Variants in MFGE8 observed in about 807,000 individuals in gnomAD.
The protein encoded by MFGE8 is milk fat globule EGF and factor V/VIII domain containing, also known as lactadherin.
In MFGE8, 34 loss-of-function variants were observed where a neutral mutation model predicts 42.6. That is an observed-to-expected ratio of 0.80 (90% CI 0.61 to 1.06). MFGE8 has a LOEUF of 1.06. Ranked by LOEUF, MFGE8 falls within the 50% of genes least tolerant of loss-of-function variation. MFGE8 has a pLI of 0.00. For missense variants in MFGE8, 510 were observed against 516.9 expected (o/e 0.99, Z 0.13); for synonymous variants, 230 against 214.8 (o/e 1.07, Z -0.62).
rs1436655372 is a variant in MFGE8, at chr15:88,901,738, G to A, written c.686-3C>T. On this transcript the variant is annotated splice_region_variant and splice_polypyrimidine_tract_variant and intron_variant, in intron 5 of 7. Transcript: ENST00000268150. ...CAGGCCCAGGGGATTGGCGCATCCT[G>A]CCAGCAAGGTGGGCTGTCATCTGGA... 6.2e-7 allele frequency: 1 copy of A among 1,613,796 alleles called. No individual in the cohort carries two copies. The highest frequency in any genetic ancestry group is 8.5e-7 in the Non-Finnish European group (1 of 1,179,954).
intron 1 of MFGE8, among the ~76,000 whole-genome samples, chr15:88,911,452 G>A (rs2141726893): frequency 6.6e-6 from 1 of 152,330 alleles, no homozygotes; most frequent in East Asian, 1.9e-4. Context: ...GCCGGGCATG[G>A]TGGCTCACAC....
chr15:88,900,469 G>A (rs1351996282), intron 6 of MFGE8, among the ~76,000 whole-genome samples: 3 of 152,128 alleles, frequency 2.0e-5, no homozygotes, highest in African/African-American at 4.8e-5. Context: ...CTGCGGCGCC[G>A]CCCACAGTCT....
chr15:88,913,282 G>T lies in MFGE8; in HGVS notation c.38C>A (p.Ala13Glu). 1 of 1,483,756 alleles carries T rather than the reference G, an allele frequency of 6.7e-7. No individual in the cohort carries two copies. The highest frequency in any genetic ancestry group is 8.9e-7 in the Non-Finnish European group (1 of 1,126,058). 91.9% of individuals were successfully genotyped at this position (1,483,756 alleles called of 1,614,324 possible). The stretch of plus-strand genomic sequence containing the variant: ...GAGGAGGCTGGGGGCGCAGAGCAGC[G>T]CGCCGCACAGCGCGGCCAGCAGGCG... Reference protein sequence around the residue: ...RPRLLAALCGALLCAPSLLVA... With the variant: ...RPRLLAALCGELLCAPSLLVA... The change falls in exon 1 of 8, where the codon GCG (alanine) becomes GAG (glutamate). Residue 13 changes from alanine to glutamate, a missense_variant. Transcript: ENST00000268150.
Position 88,907,346 on chromosome 15 carries a change from C to T in MFGE8, c.236G>A (p.Gly79Glu), listed in dbSNP as rs369318624. 3.1e-6 allele frequency: 5 copies of T among 1,614,048 alleles called. No homozygotes were observed. The highest frequency in any genetic ancestry group is 3.4e-6 in the Non-Finnish European group (4 of 1,180,032). Reference sequence around the variant, plus strand: ...GGCGATCTGTGAGTTGGCAATGTTCCCATTCTCCAGGCCCAGTGGCTCGAC... The same window carrying T: ...GGCGATCTGTGAGTTGGCAATGTTCTCATTCTCCAGGCCCAGTGGCTCGAC... ...KCVEPLGLEN[G>E]NIANSQIAAS... Residue 79 changes from glycine to glutamate, a missense_variant, in exon 3 of 8, where the codon GGG (glycine) becomes GAG (glutamate). By Grantham distance (98) the Gly-to-Glu change is moderately conservative. Transcript: ENST00000268150.
intron 2 of MFGE8, among the ~76,000 whole-genome samples, chr15:88,909,474 G>A (rs1222086942): frequency 6.6e-6 from 1 of 152,210 alleles, no homozygotes; most frequent in Non-Finnish European, 1.5e-5. Flanking sequence ...CTGGCTCATG[G>A]TGACTCAAGA....
intron 6 of MFGE8, among the ~76,000 whole-genome samples, chr15:88,901,017 A>ATT: frequency 7.6e-6 from 1 of 132,344 alleles, no homozygotes; most frequent in Non-Finnish European, 1.7e-5. Flanking sequence ...ACACACACAC[A>ATT]CATTCTCACA....
rs775548037 is a variant in MFGE8 at position 88,906,685 on chromosome 15, C to T, written c.481G>A (p.Ala161Thr). Residue 161 changes from alanine to threonine, a missense_variant, in exon 4 of 8, where the codon GCC (alanine) becomes ACC (threonine). Coordinates refer to ENST00000268150, the MANE Select transcript of MFGE8 (RefSeq NM_005928.4). The surrounding 1 kb of genome is among the most constrained non-coding windows in gnomAD (Gnocchi z 4.2). ...SHEYLKAFKV[A>T]YSLNGHEFDF... ...AATTCGTGTCCATTAAGGCTGTAGG[C>T]CACCTTGAAGGCCTTCAGGTACTCA... 7.4e-6 allele frequency: 12 copies of T among 1,614,008 alleles called. No homozygotes were observed. The highest frequency in any genetic ancestry group is 8.5e-6 in the Non-Finnish European group (10 of 1,179,960).
chr15:88,909,439 G>T (rs759480363), intron 2 of MFGE8, among the ~76,000 whole-genome samples: 17 of 152,196 alleles, frequency 1.1e-4, no homozygotes, highest in Non-Finnish European at 2.2e-4. Flanking sequence ...AAAAATCCTT[G>T]CAACTTAACC....
intron 6 of MFGE8, chr15:88,900,871 C>T (rs1464145668): frequency 2.4e-6 from 1 of 410,922 alleles, no homozygotes; most frequent in Non-Finnish European, 3.2e-6. Context: ...GTCATGTCTC[C>T]CTCTTCCGCC....
At chr15:88,904,958 A>G (rs1021049259) in intron 5 of MFGE8, 1 of 154,888 alleles carries the variant, frequency 6.5e-6, no homozygotes, top group African/African-American at 2.4e-5. Context: ...AAGAGAGAGA[A>G]ATACCCAGAC....
Position 88,899,244 on chromosome 15 carries a change from AGAGG to A in MFGE8, c.*147_*150del. On this transcript the variant is annotated 3_prime_UTR_variant, in exon 8 of 8. Transcript: ENST00000268150. The surrounding 1 kb of genome is among the most constrained non-coding windows in gnomAD (Gnocchi z 6.8). ...GCCCGTGAGAGGTGGAGGGTGGGAA[AGAGG>A]GAGGGAGGGGTGACTGTGTGGTGGT... The A allele has an allele frequency of 1.9e-6, 2 of 1,049,062 alleles. No individual in the cohort carries two copies. Among genetic ancestry groups the A allele is most frequent in the Non-Finnish European group, 2.8e-6 (2 of 716,624 alleles). 65.0% of individuals were successfully genotyped at this position (1,049,062 alleles called of 1,614,324 possible).
intron 1 of MFGE8, chr15:88,912,132 A>T: frequency 7.8e-7 from 1 of 1,289,812 alleles, no homozygotes; most frequent in Non-Finnish European, 1.0e-6. Context: ...ACCTGTGTGT[A>T]AGATAGGTAT....
intron 1 of MFGE8, chr15:88,912,980 C>T (rs1899036926): frequency 2.0e-6 from 2 of 985,352 alleles, no homozygotes; most frequent in African/African-American, 1.7e-5. Context: ...ATTCCTTTGT[C>T]ATTATCTGTA....
At chr15:88,912,119 G>A (rs544263155) in intron 1 of MFGE8, 346 of 1,289,678 alleles carry the variant, frequency 2.7e-4, no homozygotes, top group African/African-American at 2.2e-3. Flanking sequence ...ACCCAGCCAC[G>A]TTACCTGTGT....
chr15:88,904,966 G>A (rs1347452701), intron 5 of MFGE8: 2 of 155,992 alleles, frequency 1.3e-5, no homozygotes, highest in Admixed American at 6.3e-5. Context: ...GAAATACCCA[G>A]ACCTCAGGAA....
chr15:88,905,774 A>G lies in MFGE8; in HGVS notation c.668T>C (p.Leu223Pro), dbSNP rs765562826. 7 of 1,614,072 alleles carry G rather than the reference A, an allele frequency of 4.3e-6. No individual in the cohort carries two copies. The highest frequency in any genetic ancestry group is 5.9e-6 in the Non-Finnish European group (7 of 1,180,046). ...HTACTLRFEL[L>P]GCELNGCANP... is the part of the protein sequence containing the mutation. ...GCACTCACCGTTCAGCTCACAGCCC[A>G]GTAGCTCAAAGCGCAGAGTGCAGGC... Residue 223 changes from leucine (L) to proline (P), a missense_variant, in exon 5 of 8, where the codon CTG (leucine) becomes CCG (proline). By Grantham distance (98) the Leu-to-Pro change is moderately conservative. Transcript: ENST00000268150. This position sits in a 1 kb window ranked among gnomAD's most constrained non-coding sequence, Gnocchi z 6.6.
chr15:88,907,492 G>T, intron 2 of MFGE8, 116 bp from the exon 3 acceptor site: 1 of 924,866 alleles, frequency 1.1e-6, no homozygotes, highest in Non-Finnish European at 1.8e-6. Context: ...CCAGGGCCAG[G>T]GAGAACCTCA....
intron 2 of MFGE8, among the ~76,000 whole-genome samples, chr15:88,909,131 T>C (rs564531894): frequency 1.3e-5 from 2 of 152,312 alleles, no homozygotes; most frequent in South Asian, 4.1e-4. Flanking sequence ...CAGCTGGGCC[T>C]GGAGGGAGGA....
In MFGE8 at chr15:88,905,494, A is replaced by G. The variant is rs1349226590; in HGVS notation, c.685+263T>C. ...AAGCTACAGGAGAGGAGCCAACCAGAAGAAGGGAAAATACTTTGAAAACTG... is the reference window on the plus strand; with the variant it reads ...AAGCTACAGGAGAGGAGCCAACCAGGAGAAGGGAAAATACTTTGAAAACTG... On this transcript the variant is annotated intron_variant, in intron 5 of 7. Transcript: ENST00000268150. The surrounding 1 kb of genome is among the most constrained non-coding windows in gnomAD (Gnocchi z 6.6). 3.0e-5 allele frequency: 19 copies of G among 638,536 alleles called. No homozygotes were observed. The highest frequency in any genetic ancestry group is 5.2e-5 in the Non-Finnish European group (18 of 344,936). The allele number at this position is 638,536 out of a possible 1,614,324, so 39.6% of individuals were successfully genotyped here.
Sources: allele counts gnomAD v4.1 joint callset (sites outside exome capture counted in the v4.1 genomes callset), GRCh38; gene constraint gnomAD v4.1.1; non-coding constraint Gnocchi (gnomAD v3.1); transcripts MANE v1.5; gene names NCBI Gene and HGNC (gene_info 2026-07-23, HGNC 2026-07-21).